CACNA1H: variants seen among roughly 807,000 people sequenced by gnomAD.
The protein encoded by CACNA1H is voltage-dependent T-type calcium channel subunit alpha-1H.
CACNA1H carries 149 observed loss-of-function variants against 192.5 expected under a neutral mutation model. That is an observed-to-expected ratio of 0.77 (90% CI 0.68 to 0.89). CACNA1H has a LOEUF of 0.89. Ranked by LOEUF, CACNA1H falls within the 40% of genes least tolerant of loss-of-function variation. The pLI, the probability that CACNA1H is intolerant of heterozygous loss-of-function variation, is 0.00. For synonymous variants in CACNA1H, 2,202 were observed against 1,475.2 expected (o/e 1.49, Z -11.29); for missense variants, 4,257 against 3,423.5 (o/e 1.24, Z -6.08).
intron 2 of CACNA1H, among the ~76,000 whole-genome samples, chr16:1,174,513 GGGGA>G (rs1274389656): frequency 6.6e-6 from 1 of 152,076 alleles, no homozygotes; most frequent in African/African-American, 2.4e-5. Context: ...GTGTGGCCAT[GGGGA>G]GGGAGGGAGG....
At chr16:1,171,910 T>C (rs562538777) in intron 2 of CACNA1H, among the ~76,000 whole-genome samples, 1 of 152,332 alleles carries the variant, frequency 6.6e-6, no homozygotes, top group East Asian at 1.9e-4. Context: ...CAGGGAGCAG[T>C]GTCCACGGGT....
chr16:1,187,228 G>T (rs757283204), intron 2 of CACNA1H, among the ~76,000 whole-genome samples: 22 of 152,250 alleles, frequency 1.4e-4, no homozygotes, highest in Non-Finnish European at 2.8e-4. Flanking sequence ...CCAGCGCCGC[G>T]TGGGGCCGTG....
chr16:1,156,577 C>T (rs186338302), intron 2 of CACNA1H, among the ~76,000 whole-genome samples: 5 of 152,072 alleles, frequency 3.3e-5, no homozygotes, highest in Non-Finnish European at 7.4e-5. Context: ...GGGTGTGTCC[C>T]GTAGCAAGAG....
At chr16:1,192,253 G>A (rs1417237602) in intron 2 of CACNA1H, among the ~76,000 whole-genome samples, 1 of 152,240 alleles carries the variant, frequency 6.6e-6, no homozygotes, top group Non-Finnish European at 1.5e-5. Context: ...TGGCATGGCA[G>A]AGGGGGCAAA....
chr16:1,172,182 G>A (rs1186329751), intron 2 of CACNA1H, among the ~76,000 whole-genome samples: 2 of 152,194 alleles, frequency 1.3e-5, no homozygotes, highest in African/African-American at 4.8e-5. Context: ...GAGTGGCTGC[G>A]TGCCTCGATC....
chr16:1,221,682 ATGT>A lies in CACNA1H; in HGVS notation c.*691_*693del. On this transcript the variant is annotated 3_prime_UTR_variant, in exon 35 of 35. Transcript: ENST00000348261. ...TCGTGTGCTTTTAAATTCAGGTTAAATGTTGCAATAATCTGATGCAGAAGACTC... is the reference window on the plus strand; with the variant it reads ...TCGTGTGCTTTTAAATTCAGGTTAAATGCAATAATCTGATGCAGAAGACTC... 8.6e-7 allele frequency: 1 copy of A among 1,160,478 alleles called. No homozygotes were observed. Among genetic ancestry groups the A allele is most frequent in the Middle Eastern group, 2.8e-4 (1 of 3,580 alleles). 71.9% of individuals were successfully genotyped at this position (1,160,478 alleles called of 1,614,324 possible).
At chr16:1,205,624 C>T (rs1388754275) in intron 11 of CACNA1H, among the ~76,000 whole-genome samples, 2 of 152,260 alleles carry the variant, frequency 1.3e-5, no homozygotes, top group Non-Finnish European at 1.5e-5. Context: ...ATCCTGCTTG[C>T]TGCTGGAGGA....
At chr16:1,219,701 G>A (rs1970326741) in intron 34 of CACNA1H, among the ~76,000 whole-genome samples, 1 of 152,206 alleles carries the variant, frequency 6.6e-6, no homozygotes, top group South Asian at 2.1e-4. Context: ...CCAGGGGTGG[G>A]GAGGTGGCCT....
chr16:1,201,016 G>A (rs1967812414), intron 8 of CACNA1H, among the ~76,000 whole-genome samples: 2 of 152,112 alleles, frequency 1.3e-5, no homozygotes, highest in South Asian at 2.1e-4. Context: ...GTCCAGGCCT[G>A]TGGGTGCTGG....
chr16:1,196,128 AG>A, intron 5 of CACNA1H, 105 bp downstream of exon 5: 1 of 899,474 alleles, frequency 1.1e-6, no homozygotes, highest in Non-Finnish European at 1.8e-6. Context: ...TGGGAAATGA[AG>A]GTTACCAGGC....
intron 2 of CACNA1H, among the ~76,000 whole-genome samples, chr16:1,165,652 G>A (rs1033622345): frequency 6.6e-6 from 1 of 152,194 alleles, no homozygotes; most frequent in Non-Finnish European, 1.5e-5. Flanking sequence ...GTCCCCCCGA[G>A]GCCATTGCCA....
intron 25 of CACNA1H, 57 bp downstream of exon 25, chr16:1,212,195 G>A: frequency 3.3e-6 from 5 of 1,532,064 alleles, no homozygotes; most frequent in Non-Finnish European, 4.4e-6. Context: ...TGCCCACCGG[G>A]CCCTCCAGCC....
Position 1,220,524 on chromosome 16 carries a change from G to T in CACNA1H, c.6592G>T (p.Ala2198Ser). 1 of 1,537,092 alleles carries T rather than the reference G, an allele frequency of 6.5e-7. No homozygotes were observed. Reference protein sequence around the residue: ...SPPCISVEPPAEDEGSARPSA... With the variant: ...SPPCISVEPPSEDEGSARPSA... ...CCCCTGCATCTCGGTGGAACCCCCT[G>T]CGGAGGACGAGGGCTCTGCGCGGCC... Residue 2198 changes from alanine to serine, a missense_variant, in exon 35 of 35, where the codon GCG (alanine) becomes TCG (serine). Physicochemically the swap from Ala to Ser is moderately conservative, Grantham distance 99. Transcript: ENST00000348261.
chr16:1,206,546 CAA>C (rs1968736039), intron 12 of CACNA1H: 7 of 533,474 alleles, frequency 1.3e-5, no homozygotes, highest in Admixed American at 3.4e-5. Context: ...GGGATTTACT[CAA>C]GAGCAGAATA....
At chr16:1,164,258 A>C (rs181128311) in intron 2 of CACNA1H, among the ~76,000 whole-genome samples, 3 of 152,328 alleles carry the variant, frequency 2.0e-5, no homozygotes, top group Non-Finnish European at 4.4e-5. Flanking sequence ...CAGTGTCGTC[A>C]GTTGCAGGGG....
At chr16:1,206,017 C>T in intron 11 of CACNA1H, 87 bp from the exon 12 acceptor site, 2 of 1,330,990 alleles carry the variant, frequency 1.5e-6, no homozygotes, top group Non-Finnish European at 2.0e-6. Context: ...GCTGTGGCTC[C>T]CTGGCTGGTG....
chr16:1,213,136 C>T (rs778927702), intron 26 of CACNA1H, among the ~76,000 whole-genome samples: 5 of 152,240 alleles, frequency 3.3e-5, no homozygotes, highest in Non-Finnish European at 4.4e-5. Context: ...TTCAGATGGT[C>T]TGGAGTCCGG....
chr16:1,204,406 T>C lies in CACNA1H; in HGVS notation c.2399T>C (p.Met800Thr), dbSNP rs747121461. 1.5e-5 allele frequency: 23 copies of C among 1,554,544 alleles called. No homozygotes were observed. Among genetic ancestry groups the C allele is most frequent in the African/African-American group, 4.1e-5 (3 of 73,610 alleles). ...VDSKYFSRGI[M>T]MAILVNTLSM... is the part of the protein sequence containing the mutation. ...AGCAAGTACTTCAGCCGTGGCATCATGATGGCCATCCTTGTCAACACGCTG... is the reference window on the plus strand; with the variant it reads ...AGCAAGTACTTCAGCCGTGGCATCACGATGGCCATCCTTGTCAACACGCTG... The change falls in exon 10 of 35, where the codon ATG becomes ACG. Residue 800 changes from methionine (M) to threonine (T), a missense_variant. Coordinates refer to ENST00000348261, the MANE Select transcript of CACNA1H (RefSeq NM_021098.3).
rs534974071 is a variant in CACNA1H, at chr16:1,219,070, C to T, written c.5988C>T (p.His1996=). 2,157 of 1,549,792 alleles carry T rather than the reference C, an allele frequency of 1.4e-3. 42 individuals carry two copies. In the South Asian group the frequency reaches 0.023, roughly 17 times the overall value. The change falls in exon 34 of 35, where the codon CAC becomes CAT. Residue 1996 remains histidine (H), a synonymous_variant. Coordinates refer to ENST00000348261, the MANE Select transcript of CACNA1H (RefSeq NM_021098.3). ...CAGCCAGGAGCGGCGAGCCCCTCCACGCCCTGTCCCCTCGGGGCACAGCCC... is the reference window on the plus strand; with the variant it reads ...CAGCCAGGAGCGGCGAGCCCCTCCATGCCCTGTCCCCTCGGGGCACAGCCC... ...SSPARSGEPL[H]ALSPRGTARS... is the part of the protein sequence containing the mutation.
Sources: gnomAD v4.1 joint callset for allele counts (sites outside exome capture counted in the v4.1 genomes callset) on GRCh38, gnomAD v4.1.1 for gene constraint, MANE v1.5 for transcripts, NCBI Gene and HGNC (gene_info 2026-07-23, HGNC 2026-07-21) for gene names.